PCDHGA1: variants seen among roughly 807,000 people sequenced by gnomAD.
PCDHGA1 encodes the protein protocadherin gamma subfamily A, 1.
PCDHGA1 carries 32 observed loss-of-function variants against 58.0 expected under a neutral mutation model. That is an observed-to-expected ratio of 0.55 (90% CI 0.42 to 0.74). The LOEUF is 0.74. PCDHGA1 is among the 30% of genes least tolerant of loss of function. PCDHGA1 has a pLI of 0.00. For missense variants in PCDHGA1, 1,205 were observed against 1,182.3 expected, an observed-to-expected ratio of 1.02 and a Z score of -0.28; for synonymous variants, 498 against 501.1, an observed-to-expected ratio of 0.99 and a Z score of 0.08.
chr5:141,493,141 C>T lies in PCDHGA1; in HGVS notation c.2422-1666C>T, dbSNP rs1327581425. On this transcript the variant is annotated intron_variant, in intron 1 of 3. Coordinates refer to ENST00000517417, the MANE Select transcript of PCDHGA1 (RefSeq NM_018912.3). This position sits in a 1 kb window ranked among gnomAD's most constrained non-coding sequence, Gnocchi z 4.3. ...CTCCTAGGACTGTATTTTGAAACAC[C>T]CCCAGGTGATTTTGATAGCTGATTG... Among the ~76,000 whole-genome samples the T allele has an allele frequency of 1.4e-5, 2 of 146,284 alleles. No homozygotes were observed. Among genetic ancestry groups the T allele is most frequent in the East Asian group, 2.0e-4 (1 of 5,022 alleles).
chr5:141,484,716 G>C (rs1375103858), intron 1 of PCDHGA1, among the ~76,000 whole-genome samples: 1 of 152,030 alleles, frequency 6.6e-6, no homozygotes, highest in African/African-American at 2.4e-5. Context: ...CGCCGAAAAG[G>C]GGCGGGGTCA....
chr5:141,389,341 C>G, intron 1 of PCDHGA1: 1 of 1,614,016 alleles, frequency 6.2e-7, no homozygotes, highest in East Asian at 2.2e-5. Context: ...GGCCAAGTCT[C>G]TTACTGCATC....
chr5:141,443,788 A>C (rs1468852602), intron 1 of PCDHGA1, among the ~76,000 whole-genome samples: 2 of 152,224 alleles, frequency 1.3e-5, no homozygotes, highest in African/African-American at 4.8e-5. Context: ...AGACAAAAAA[A>C]ATGAAAAGGA....
chr5:141,487,810 C>G lies in PCDHGA1; in HGVS notation c.2422-6997C>G, dbSNP rs377060474. ...ATTAACCAGAGTTGTCACAGTTTAGCATTGGGGGCGGGTCATGCCTATATC... is the reference window on the plus strand; with the variant it reads ...ATTAACCAGAGTTGTCACAGTTTAGGATTGGGGGCGGGTCATGCCTATATC... On this transcript the variant is annotated intron_variant, in intron 1 of 3. Coordinates refer to ENST00000517417, the MANE Select transcript of PCDHGA1 (RefSeq NM_018912.3). The surrounding 1 kb of genome is among the most constrained non-coding windows in gnomAD (Gnocchi z 5.0). 7.1e-7 allele frequency: 1 copy of G among 1,417,854 alleles called. No homozygotes were observed. The highest frequency in any genetic ancestry group is 2.1e-5 in the Admixed American group (1 of 47,076). The allele number at this position is 1,417,854 out of a possible 1,614,324, so 87.8% of individuals were successfully genotyped here.
chr5:141,495,384 C>A (rs2099760896), intron 2 of PCDHGA1, among the ~76,000 whole-genome samples: 1 of 152,190 alleles, frequency 6.6e-6, no homozygotes, highest in African/African-American at 2.4e-5. Flanking sequence ...AAGGACTGGG[C>A]GGGGCATGGA....
intron 1 of PCDHGA1, among the ~76,000 whole-genome samples, chr5:141,397,773 T>C (rs2093568087): frequency 1.3e-5 from 2 of 152,218 alleles, no homozygotes; most frequent in African/African-American, 2.4e-5. Context: ...ATTAAGTATA[T>C]GGACGTAAAA....
intron 1 of PCDHGA1, chr5:141,364,471 C>T (rs1307954673): frequency 3.1e-6 from 5 of 1,613,918 alleles, no homozygotes; most frequent in Non-Finnish European, 4.2e-6. Context: ...TCGTCGGCAA[C>T]ATAGCCAAGG....
intron 1 of PCDHGA1, chr5:141,360,786 C>CGG: frequency 6.2e-7 from 1 of 1,612,498 alleles, no homozygotes. Flanking sequence ...CTGTGGATGG[C>CGG]GGAGACCCAC....
rs750139205 is a variant in PCDHGA1 at position 141,489,738 on chromosome 5, T to C, written c.2422-5069T>C. Reference sequence around the variant, plus strand: ...AGGATCCGGATGTGGGCACCAATACTGTGAGCTTTTACACTCTAAGCCCCA... The same window carrying C: ...AGGATCCGGATGTGGGCACCAATACCGTGAGCTTTTACACTCTAAGCCCCA... On this transcript the variant is annotated intron_variant, in intron 1 of 3. Coordinates refer to ENST00000517417, the MANE Select transcript of PCDHGA1 (RefSeq NM_018912.3). This position sits in a 1 kb window ranked among gnomAD's most constrained non-coding sequence, Gnocchi z 4.5. 1 of 1,614,168 alleles carries C rather than the reference T, an allele frequency of 6.2e-7. No individual in the cohort carries two copies. Among genetic ancestry groups the C allele is most frequent in the Non-Finnish European group, 8.5e-7 (1 of 1,180,030 alleles).
chr5:141,340,429 T>A, intron 1 of PCDHGA1: 4 of 1,614,228 alleles, frequency 2.5e-6, no homozygotes, highest in Non-Finnish European at 3.4e-6. Context: ...ACAATGCTCA[T>A]GTAACTTACT....
intron 1 of PCDHGA1, chr5:141,371,489 C>T (rs548103153): frequency 1.9e-6 from 3 of 1,613,918 alleles, no homozygotes; most frequent in Non-Finnish European, 2.5e-6. Context: ...TGGGGACTGC[C>T]GTTGCCCTGA....
intron 2 of PCDHGA1, among the ~76,000 whole-genome samples, chr5:141,495,440 A>G (rs2099761377): frequency 6.6e-6 from 1 of 151,898 alleles, no homozygotes; most frequent in African/African-American, 2.4e-5. Context: ...CTCTGCCCCT[A>G]CTTGTCCTGC....
intron 1 of PCDHGA1, chr5:141,392,740 G>A: frequency 1.4e-6 from 2 of 1,435,578 alleles, no homozygotes. Context: ...CATCTCCATA[G>A]CTGCGGCAAG....
intron 1 of PCDHGA1, chr5:141,414,732 T>G: frequency 6.2e-7 from 1 of 1,614,186 alleles, no homozygotes; most frequent in Non-Finnish European, 8.5e-7. Context: ...GCGTCCTGTA[T>G]GCACTCAGAT....
chr5:141,362,156 A>T (rs1762353801), intron 1 of PCDHGA1: 1 of 1,613,872 alleles, frequency 6.2e-7, no homozygotes, highest in Non-Finnish European at 8.5e-7. Flanking sequence ...GTATTGCCAG[A>T]CCTCAGCGAC....
chr5:141,421,219 G>C (rs894586889), intron 1 of PCDHGA1: 1 of 1,573,208 alleles, frequency 6.4e-7, no homozygotes. Context: ...TATCGGCTTA[G>C]AGCCTGCCAT....
At chr5:141,377,830 G>A (rs981734715) in intron 1 of PCDHGA1, 2 of 152,172 alleles carry the variant, frequency 1.3e-5, no homozygotes, top group Admixed American at 6.5e-5. Flanking sequence ...AGTTACAATC[G>A]CCATTATCTT....
chr5:141,417,572 G>T, intron 1 of PCDHGA1: 1 of 376,228 alleles, frequency 2.7e-6, no homozygotes, highest in East Asian at 4.1e-5. Flanking sequence ...AAGTCAAGTT[G>T]CAGTCCCACA....
chr5:141,506,294 C>T (rs1165174121), intron 3 of PCDHGA1, among the ~76,000 whole-genome samples: 1 of 151,888 alleles, frequency 6.6e-6, no homozygotes, highest in African/African-American at 2.4e-5. Context: ...ACTAAAAATA[C>T]AAAAATTAGC....
Sources: allele counts gnomAD v4.1 joint callset (sites outside exome capture counted in the v4.1 genomes callset), GRCh38; gene constraint gnomAD v4.1.1; non-coding constraint Gnocchi (gnomAD v3.1); transcripts MANE v1.5; gene names NCBI Gene and HGNC (gene_info 2026-07-23, HGNC 2026-07-21).